The following AFG2A variants were observed in gnomAD, a reference collection of about 807,000 sequenced individuals.
The protein encoded by AFG2A is ATPase family gene 2 protein homolog A.
chr4:122,964,256 C>T, the AFG2A span, among the ~76,000 whole-genome samples: 1 of 152,098 alleles, frequency 6.6e-6, no homozygotes, highest in East Asian at 1.9e-4. Flanking sequence ...GTAATCCCAG[C>T]ACTTCGGGAG....
chr4:123,011,534 G>A, the AFG2A span, among the ~76,000 whole-genome samples: 1 of 152,150 alleles, frequency 6.6e-6, no homozygotes, highest in Non-Finnish European at 1.5e-5. Context: ...GTTAAAGAAT[G>A]CCTGGACGTC....
At chr4:123,171,819 C>CT in the AFG2A span, among the ~76,000 whole-genome samples, 5 of 151,746 alleles carry the variant, frequency 3.3e-5, no homozygotes, top group African/African-American at 1.2e-4. Context: ...ACAAATATGC[C>CT]TTGATATTTT....
At chr4:122,980,307 T>C in the AFG2A span, among the ~76,000 whole-genome samples, 53 of 152,342 alleles carry the variant, frequency 3.5e-4, 1 homozygote, top group South Asian at 0.011. Context: ...CATGTTATTA[T>C]AAATGACAGT....
At chr4:123,251,050 T>C in the AFG2A span, among the ~76,000 whole-genome samples, 840 of 152,214 alleles carry the variant, frequency 5.5e-3, 9 homozygotes, top group African/African-American at 0.019. Context: ...TAATAATCAT[T>C]GAAGTATACT....
chr4:123,268,579 C>A, the AFG2A span, among the ~76,000 whole-genome samples: 1 of 152,170 alleles, frequency 6.6e-6, no homozygotes, highest in Non-Finnish European at 1.5e-5. Flanking sequence ...AATTTATCAA[C>A]AGCAGAAGCT....
At chr4:123,021,329 G>A in the AFG2A span, among the ~76,000 whole-genome samples, 4 of 151,050 alleles carry the variant, frequency 2.6e-5, no homozygotes, top group Admixed American at 2.6e-4. Flanking sequence ...AGACAACAAG[G>A]TATATCTAAT....
At chr4:123,030,459 G>C in the AFG2A span, among the ~76,000 whole-genome samples, 1 of 152,068 alleles carries the variant, frequency 6.6e-6, no homozygotes, top group African/African-American at 2.4e-5. Context: ...TTTGTACACT[G>C]CTATATAAAA....
chr4:122,979,488 AT>A, the AFG2A span: 8 of 1,347,422 alleles, frequency 5.9e-6, no homozygotes, highest in African/African-American at 1.2e-4. Flanking sequence ...CTTTAAAAAA[AT>A]ATTTTTCTTA....
At chr4:123,017,174 GAGGGGGGAGAGGGAA>G in the AFG2A span, among the ~76,000 whole-genome samples, 20,043 of 41,064 alleles carry the variant, frequency 0.49, 3,626 homozygotes, top group South Asian at 0.61. Context: ...GGGAGAGGGA[GAGGGGGGAGAGGGAA>G]AGGGAGAGGG....
the AFG2A span, among the ~76,000 whole-genome samples, chr4:123,255,357 T>C: frequency 6.6e-6 from 1 of 151,982 alleles, no homozygotes. Flanking sequence ...AAACCCCGTC[T>C]CTACTAAAAA....
chr4:123,003,699 G>A, the AFG2A span, among the ~76,000 whole-genome samples: 2 of 151,976 alleles, frequency 1.3e-5, no homozygotes, highest in Non-Finnish European at 2.9e-5. Flanking sequence ...GCCGTGTGAG[G>A]TGTCAGTCTG....
the AFG2A span, among the ~76,000 whole-genome samples, chr4:122,925,769 C>A: frequency 2.6e-5 from 4 of 152,268 alleles, no homozygotes; most frequent in South Asian, 8.3e-4. Flanking sequence ...CAGCTATCCA[C>A]TGATTGTTTA....
the AFG2A span, among the ~76,000 whole-genome samples, chr4:123,257,256 C>T: frequency 6.6e-6 from 1 of 152,088 alleles, no homozygotes; most frequent in Non-Finnish European, 1.5e-5. Context: ...TATAGACAGT[C>T]CCCAACTTAT....
the AFG2A span, among the ~76,000 whole-genome samples, chr4:123,164,624 A>G: frequency 2.0e-5 from 3 of 152,200 alleles, no homozygotes; most frequent in South Asian, 2.1e-4. Flanking sequence ...ATGTAATTGT[A>G]TAATTATCTA....
At chr4:123,241,845 C>T in the AFG2A span, among the ~76,000 whole-genome samples, 3 of 152,096 alleles carry the variant, frequency 2.0e-5, no homozygotes, top group South Asian at 2.1e-4. Flanking sequence ...TCAAATTGTC[C>T]CTGTCTGCAG....
chr4:122,931,958 G>A, the AFG2A span, among the ~76,000 whole-genome samples: 1 of 152,140 alleles, frequency 6.6e-6, no homozygotes, highest in Non-Finnish European at 1.5e-5. Flanking sequence ...TGACTATATT[G>A]TATTATTACT....
the AFG2A span, chr4:123,315,628 C>T: frequency 2.0e-5 from 3 of 152,152 alleles, no homozygotes; most frequent in Non-Finnish European, 4.4e-5. Flanking sequence ...GAAAGTGATT[C>T]TCTGACTTCA....
the AFG2A span, among the ~76,000 whole-genome samples, chr4:122,980,349 T>C: frequency 1.3e-5 from 2 of 152,208 alleles, no homozygotes; most frequent in Non-Finnish European, 2.9e-5. Flanking sequence ...CAAATAATAT[T>C]CCATTATGCC....
At chr4:123,004,888 T>G in the AFG2A span, among the ~76,000 whole-genome samples, 1 of 152,220 alleles carries the variant, frequency 6.6e-6, no homozygotes, top group Non-Finnish European at 1.5e-5. Flanking sequence ...TTAATATTTT[T>G]ACTAAATCTA....
Sources: allele counts gnomAD v4.1 joint callset (sites outside exome capture counted in the v4.1 genomes callset), GRCh38; gene constraint gnomAD v4.1.1; transcripts MANE v1.5; gene names NCBI Gene and HGNC (gene_info 2026-07-23, HGNC 2026-07-21).